Variants in ATL1 observed in about 807,000 individuals in gnomAD.
The protein encoded by ATL1 is atlastin-1.
A neutral mutation model predicts 75.5 loss-of-function variants in ATL1; 31 were observed. The observed-to-expected ratio is 0.41, with a 90% CI of 0.31 to 0.55. The LOEUF is 0.55. Among genes scored for constraint, ATL1 ranks in the 20% least tolerant of loss-of-function variants. The probability of loss-of-function intolerance (pLI) is 0.27; values close to 1 mark genes in which losing one functional copy is unlikely to be tolerated. For synonymous variants in ATL1, 226 were observed against 233.3 expected (o/e 0.97, Z 0.28); for missense variants, 405 against 662.6 (o/e 0.61, Z 4.27).
At chr14:50,603,238 G>A (rs2039287666) in intron 6 of ATL1, among the ~76,000 whole-genome samples, 1 of 152,138 alleles carries the variant, frequency 6.6e-6, no homozygotes, top group South Asian at 2.1e-4. Flanking sequence ...TGTCCTCAGT[G>A]TCAAGTACTT....
upstream of ATL1, among the ~76,000 whole-genome samples, chr14:50,558,038 A>C (rs779523157): frequency 6.6e-6 from 1 of 152,228 alleles, no homozygotes; most frequent in Admixed American, 6.5e-5. Flanking sequence ...AATTTTTTTA[A>C]AAGCTTCCAT....
At chr14:50,576,387 C>T (rs2039006585) in intron 1 of ATL1, among the ~76,000 whole-genome samples, 1 of 152,110 alleles carries the variant, frequency 6.6e-6, no homozygotes, top group Admixed American at 6.5e-5. Flanking sequence ...GTGAGCTGTA[C>T]ATTTGTATTA....
chr14:50,604,199 A>C (rs1027234120), intron 6 of ATL1, among the ~76,000 whole-genome samples: 1 of 152,154 alleles, frequency 6.6e-6, no homozygotes, highest in African/African-American at 2.4e-5. Flanking sequence ...TCTTGGTCAC[A>C]TATATCTTTA....
chr14:50,567,109 C>T (rs1037850349), intron 1 of ATL1, among the ~76,000 whole-genome samples: 7 of 152,156 alleles, frequency 4.6e-5, no homozygotes, highest in African/African-American at 1.2e-4. Context: ...AAACTCTGTG[C>T]CCATTAAACA....
At chr14:50,596,017 A>G (rs1390496999) in intron 6 of ATL1, among the ~76,000 whole-genome samples, 1 of 152,206 alleles carries the variant, frequency 6.6e-6, no homozygotes, top group Admixed American at 6.5e-5. Flanking sequence ...TAAACATAAG[A>G]ATGTGTTCAT....
intron 1 of ATL1, among the ~76,000 whole-genome samples, chr14:50,539,148 A>T (rs1365983652): frequency 1.3e-5 from 2 of 152,244 alleles, no homozygotes; most frequent in African/African-American, 4.8e-5. Flanking sequence ...TTACTTGTAT[A>T]AACTACTTGC....
upstream of ATL1, among the ~76,000 whole-genome samples, chr14:50,555,322 C>A (rs1168524460): frequency 6.6e-6 from 1 of 152,194 alleles, no homozygotes; most frequent in Non-Finnish European, 1.5e-5. Flanking sequence ...CGCTCTGTCA[C>A]CCAGGCTGGA....
At chr14:50,630,482 T>G (rs190304476) in intron 13 of ATL1, among the ~76,000 whole-genome samples, 7 of 152,366 alleles carry the variant, frequency 4.6e-5, no homozygotes, top group African/African-American at 1.4e-4. Context: ...TATTCTTTCT[T>G]GGCAGACCTC....
At chr14:50,577,352 T>G (rs1451125334) in intron 1 of ATL1, among the ~76,000 whole-genome samples, 1 of 152,200 alleles carries the variant, frequency 6.6e-6, no homozygotes, top group Non-Finnish European at 1.5e-5. Flanking sequence ...CCTGAGCCAC[T>G]GTGCCCAGGC....
intron 5 of ATL1, 27 bp downstream of exon 5, chr14:50,593,923 G>GT (rs1296936947): frequency 6.5e-7 from 1 of 1,535,974 alleles, no homozygotes; most frequent in African/African-American, 1.4e-5. Context: ...TCTTTTTTGT[G>GT]TATCTGGTAG....
chr14:50,610,311 TA>T (rs1335171896), intron 6 of ATL1, among the ~76,000 whole-genome samples: 1 of 152,100 alleles, frequency 6.6e-6, no homozygotes, highest in Non-Finnish European at 1.5e-5. Context: ...GAGTTTTCCA[TA>T]GCAATATTCC....
upstream of ATL1, among the ~76,000 whole-genome samples, chr14:50,558,788 C>A (rs994768571): frequency 6.6e-6 from 1 of 152,104 alleles, no homozygotes; most frequent in Admixed American, 6.5e-5. Context: ...GTTCTATGAA[C>A]TTGGTTTATA....
At chr14:50,555,605 C>T (rs1234760548), upstream of ATL1, among the ~76,000 whole-genome samples, 1 of 152,090 alleles carries the variant, frequency 6.6e-6, no homozygotes, top group East Asian at 1.9e-4. Flanking sequence ...ATTTTGAAGC[C>T]ACGGTATTAT....
chr14:50,574,931 GTGTGTGTATATATATA>G (rs1362034365), intron 1 of ATL1, among the ~76,000 whole-genome samples: 23 of 78,746 alleles, frequency 2.9e-4, no homozygotes, highest in Non-Finnish European at 5.1e-4. Context: ...GTGTGTGTGT[GTGTGTGTATATATATA>G]TATATATATA....
intron 7 of ATL1, among the ~76,000 whole-genome samples, chr14:50,613,606 G>T (rs909850209): frequency 3.3e-5 from 5 of 152,038 alleles, no homozygotes; most frequent in Non-Finnish European, 5.9e-5. Context: ...TTTAATAGAG[G>T]TTTCAAAGCC....
At chr14:50,584,761 T>C (rs1456150326) in intron 1 of ATL1, among the ~76,000 whole-genome samples, 1 of 151,526 alleles carries the variant, frequency 6.6e-6, no homozygotes, top group African/African-American at 2.4e-5. Context: ...AGAATATATA[T>C]GACTATCTTT....
intron 2 of ATL1, among the ~76,000 whole-genome samples, chr14:50,590,063 T>C (rs1267280653): frequency 6.6e-6 from 1 of 152,218 alleles, no homozygotes; most frequent in Non-Finnish European, 1.5e-5. Context: ...CTTTAAACAA[T>C]TGATAATTTT....
upstream of ATL1, among the ~76,000 whole-genome samples, chr14:50,556,271 C>G (rs929756331): frequency 6.6e-6 from 1 of 152,130 alleles, no homozygotes; most frequent in Non-Finnish European, 1.5e-5. Context: ...GCTCTGTCAT[C>G]CAGGCTGAAG....
chr14:50,596,801 T>C (rs1284392422), intron 6 of ATL1, among the ~76,000 whole-genome samples: 1 of 152,042 alleles, frequency 6.6e-6, no homozygotes, highest in East Asian at 1.9e-4. Context: ...AAAACACACA[T>C]ATTGAACATT....
Sources: gnomAD v4.1 joint callset for allele counts (sites outside exome capture counted in the v4.1 genomes callset) on GRCh38, gnomAD v4.1.1 for gene constraint, MANE v1.5 for transcripts, NCBI Gene and HGNC (gene_info 2026-07-23, HGNC 2026-07-21) for gene names.